The following PHEX variants were observed in gnomAD, a reference collection of about 807,000 sequenced individuals.
PHEX encodes phosphate regulating endopeptidase X-linked.
PHEX carries 16 observed loss-of-function variants against 68.0 expected under a neutral mutation model. That is an observed-to-expected ratio of 0.24 (90% confidence interval 0.16 to 0.36). The LOEUF (loss-of-function observed/expected upper bound fraction) is 0.36, where lower values mean the gene tolerates loss of function less well. Ranked by LOEUF, PHEX falls within the 10% of genes least tolerant of loss-of-function variation. PHEX has a pLI of 1.00. For synonymous variants in PHEX, 208 were observed against 205.1 expected (o/e 1.01, Z -0.12); for missense variants, 480 against 575.5 (o/e 0.83, Z 1.70).
intron 15 of PHEX, among the ~76,000 whole-genome samples, chrX:22,206,374 T>G (rs1412194963): frequency 8.9e-6 from 1 of 112,062 alleles, no homozygotes; most frequent in African/African-American, 3.2e-5. Flanking sequence ...CAAGTATTTA[T>G]TGAGTGCTTA....
chrX:22,110,486 T>C (rs1424096449), intron 9 of PHEX, among the ~76,000 whole-genome samples: 3 of 111,855 alleles, frequency 2.7e-5, no homozygotes, highest in Non-Finnish European at 5.6e-5. Flanking sequence ...AGTTCTAGGG[T>C]ACATGTGTAC....
At chrX:22,096,931 A>T (rs754473894) in intron 7 of PHEX, 24 bp from the exon 8 acceptor site, 4 of 1,134,477 alleles carry the variant, frequency 3.5e-6, no homozygotes, top group East Asian at 6.0e-5. Flanking sequence ...TTGAAAAAAA[A>T]TAACAAAAAT....
intron 9 of PHEX, among the ~76,000 whole-genome samples, chrX:22,107,713 T>C (rs781316013): frequency 3.3e-4 from 37 of 112,331 alleles, no homozygotes; most frequent in Admixed American, 9.5e-5. Context: ...GTTTGAGATG[T>C]ACTATCCTTA....
At chrX:22,092,895 G>A (rs892555197) in intron 6 of PHEX, among the ~76,000 whole-genome samples, 7 of 108,111 alleles carry the variant, frequency 6.5e-5, no homozygotes, top group East Asian at 2.9e-4. Flanking sequence ...GACTACAGGC[G>A]TGCGCCACCA....
At chrX:22,068,399 C>A (rs2147009447) in intron 3 of PHEX, among the ~76,000 whole-genome samples, 1 of 112,047 alleles carries the variant, frequency 8.9e-6, no homozygotes, top group Non-Finnish European at 1.9e-5. Context: ...CAGGGAAGGT[C>A]TTTCCTTCAG....
At chrX:22,145,719 G>A (rs1569410620) in intron 12 of PHEX, among the ~76,000 whole-genome samples, 1 of 111,045 alleles carries the variant, frequency 9.0e-6, no homozygotes, top group Admixed American at 9.6e-5. Context: ...TCATTGATTC[G>A]TGATTCCATT....
In PHEX at chrX:22,099,011, C is replaced by T. The variant is rs1021660256; in HGVS notation, c.939C>T (p.Asp313=). The change falls in exon 9 of 22, where the codon GAC becomes GAT. Residue 313 remains aspartate (D), a synonymous_variant. Transcript: ENST00000379374. The part of the protein sequence containing the change: ...SELSAMIPQF[D]WLGYIKKVID... ...TTTGTTCTCTCTCCCCTCAGTTCGACTGGCTGGGCTACATCAAGAAGGTCA... is the reference window on the plus strand; with the variant it reads ...TTTGTTCTCTCTCCCCTCAGTTCGATTGGCTGGGCTACATCAAGAAGGTCA... 8.3e-7 allele frequency: 1 copy of T among 1,209,442 alleles called. No individual in the cohort carries two copies.
At chrX:22,146,484 A>C (rs1465911259) in intron 12 of PHEX, among the ~76,000 whole-genome samples, 1 of 112,074 alleles carries the variant, frequency 8.9e-6, no homozygotes, top group East Asian at 2.8e-4. Flanking sequence ...AGTGTTGAGG[A>C]ATATAACTAA....
intron 12 of PHEX, among the ~76,000 whole-genome samples, chrX:22,145,490 C>T (rs1005479445): frequency 3.6e-5 from 4 of 110,715 alleles, no homozygotes; most frequent in African/African-American, 9.9e-5. Flanking sequence ...GTGTCATGCA[C>T]GTGTAATCCC....
intron 12 of PHEX, among the ~76,000 whole-genome samples, chrX:22,143,524 A>T (rs1259880680): frequency 8.9e-6 from 1 of 111,877 alleles, no homozygotes; most frequent in African/African-American, 3.3e-5. Context: ...ACATTTTTGT[A>T]ACTCCCAAAG....
At chrX:22,087,493 A>G (rs1165800869) in intron 5 of PHEX, among the ~76,000 whole-genome samples, 1 of 111,657 alleles carries the variant, frequency 9.0e-6, no homozygotes, top group Non-Finnish European at 1.9e-5. Flanking sequence ...AACAAGAGTT[A>G]TGTTTTTCCT....
chrX:22,038,364 G>A (rs1362401183), intron 1 of PHEX, 105 bp from the exon 2 acceptor site: 3 of 593,562 alleles, frequency 5.1e-6, no homozygotes, highest in Non-Finnish European at 9.0e-6. Context: ...TGTCAACACT[G>A]AGAAGGATGA....
Position 22,093,864 on chromosome X carries a change from G to A in PHEX, c.733-119G>A, listed in dbSNP as rs1738932985. ...GCATAATGCCTGCACCATACTTTGA[G>A]TACAGAGTGAAAATAAAAGACATTT... is the stretch of plus-strand genomic sequence containing the variant. On this transcript the variant is annotated intron_variant, in intron 6 of 21. Coordinates refer to ENST00000379374, the MANE Select transcript of PHEX (RefSeq NM_000444.6). 3 of 507,108 alleles carry A rather than the reference G, an allele frequency of 5.9e-6. No individual in the cohort carries two copies. The African/African-American group carries it at 6.9e-5, about 12-fold the overall frequency. 41.8% of individuals were successfully genotyped at this position (507,108 alleles called of 1,213,427 possible).
At chrX:22,049,211 C>T (rs749911434) in intron 3 of PHEX, among the ~76,000 whole-genome samples, 14 of 111,353 alleles carry the variant, frequency 1.3e-4, no homozygotes, top group Non-Finnish European at 2.6e-4. Context: ...TGGGTTCAAA[C>T]GAGCGATTCT....
At chrX:22,038,406 A>G (rs895603314) in intron 1 of PHEX, 63 bp from the exon 2 acceptor site, 10 of 683,818 alleles carry the variant, frequency 1.5e-5, no homozygotes, top group Non-Finnish European at 2.4e-5. Context: ...TATGTTTCCG[A>G]GGGTGGTTTA....
chrX:22,047,207 G>C lies in PHEX; in HGVS notation c.345G>C (p.Leu115Phe). The change falls in exon 3 of 22, where the codon TTG (leucine) becomes TTC (phenylalanine). Residue 115 changes from leucine (L) to phenylalanine (F), a missense_variant. Coordinates refer to ENST00000379374, the MANE Select transcript of PHEX (RefSeq NM_000444.6). ...TGAGACATAATGTTGACCTCAAGTT[G>C]AAGGGTAAGTTTCTACTGGGGTTTG... ...PWLRHNVDLKLKELLEKSISR... is the reference protein window; with the variant it reads ...PWLRHNVDLKFKELLEKSISR... 1 of 1,203,626 alleles carries C rather than the reference G, an allele frequency of 8.3e-7. No individual in the cohort carries two copies. Among genetic ancestry groups the C allele is most frequent in the Non-Finnish European group, 1.1e-6 (1 of 888,086 alleles).
At chrX:22,051,348 T>C (rs1304391330) in intron 3 of PHEX, among the ~76,000 whole-genome samples, 2 of 111,606 alleles carry the variant, frequency 1.8e-5, no homozygotes, top group African/African-American at 6.5e-5. Context: ...CTGGCCAATG[T>C]GGCGAAACCC....
rs753334330 is a variant in PHEX, at chrX:22,034,899, A to G, written c.118+1776A>G. 3.6e-5 allele frequency among the ~76,000 whole-genome samples: 4 copies of G among 111,417 alleles called. No homozygotes were observed. In the South Asian group the frequency reaches 1.5e-3, roughly 42 times the overall value. On this transcript the variant is annotated intron_variant, in intron 1 of 21. Coordinates refer to ENST00000379374, the MANE Select transcript of PHEX (RefSeq NM_000444.6). The stretch of plus-strand genomic sequence containing the variant: ...ATTCAGGGACACTTCTTTTTGTCAA[A>G]TATTTCTGCACTATTTTAGAATCAC...
At chrX:22,137,176 G>A (rs747470620) in intron 12 of PHEX, among the ~76,000 whole-genome samples, 2 of 112,065 alleles carry the variant, frequency 1.8e-5, no homozygotes, top group East Asian at 5.6e-4. Flanking sequence ...CCTGGCAGGA[G>A]AGCGTCAGAT....
Sources: gnomAD v4.1 joint callset for allele counts (sites outside exome capture counted in the v4.1 genomes callset) on GRCh38, gnomAD v4.1.1 for gene constraint, MANE v1.5 for transcripts, NCBI Gene and HGNC (gene_info 2026-07-23, HGNC 2026-07-21) for gene names.